Variants in MARCHF11 observed in about 807,000 individuals in gnomAD.
MARCHF11 encodes E3 ubiquitin-protein ligase MARCHF11.
A neutral mutation model predicts 37.3 loss-of-function variants in MARCHF11; 29 were observed. The observed-to-expected ratio is 0.78, with a 90% CI of 0.58 to 1.06. MARCHF11 has a LOEUF of 1.06. MARCHF11 is among the 50% of genes least tolerant of loss of function. The pLI, the probability that MARCHF11 is intolerant of heterozygous loss-of-function variation, is 0.00. For synonymous variants in MARCHF11, 233 were observed against 228.0 expected (o/e 1.02, Z -0.20); for missense variants, 482 against 533.4 (o/e 0.90, Z 0.95).
At position 16,100,208 on chromosome 5, in the gene MARCHF11, C is replaced by A. The variant is rs114117647; in HGVS notation, c.694-9127G>T. ...CAGGCTGTCCCCTGGGAGGAGACAG[C>A]CTCTAGGAAGACTTCGCTTTACTAA... On this transcript the variant is annotated intron_variant, in intron 2 of 3. Transcript: ENST00000332432. 7.4e-3 allele frequency among the ~76,000 whole-genome samples: 1,125 copies of A among 152,200 alleles called. 18 individuals carry two copies. Among genetic ancestry groups the A allele is most frequent in the African/African-American group, 0.026 (1,065 of 41,538 alleles).
chr5:16,075,559 CA>C (rs1736503310), intron 3 of MARCHF11, among the ~76,000 whole-genome samples: 2 of 151,914 alleles, frequency 1.3e-5, no homozygotes, highest in South Asian at 4.2e-4. Context: ...GTACCCAGGT[CA>C]AAACTCAGTC....
At chr5:16,177,968 A>G (rs1738392029) in intron 1 of MARCHF11, 87 bp from the exon 2 acceptor site, 1 of 1,344,878 alleles carries the variant, frequency 7.4e-7, no homozygotes, top group Non-Finnish European at 1.0e-6. Flanking sequence ...TTTCAAAGCC[A>G]TTTACTCAGG....
intron 2 of MARCHF11, among the ~76,000 whole-genome samples, chr5:16,139,445 G>T (rs1054385036): frequency 6.6e-6 from 1 of 152,066 alleles, no homozygotes; most frequent in Non-Finnish European, 1.5e-5. Context: ...CCAGTCTCGG[G>T]TATGTCTTTG....
intron 3 of MARCHF11, among the ~76,000 whole-genome samples, chr5:16,081,563 T>C (rs1474337952): frequency 6.6e-6 from 1 of 152,180 alleles, no homozygotes; most frequent in Non-Finnish European, 1.5e-5. Flanking sequence ...CCAAGCCTTG[T>C]TCTATTTATA....
intron 3 of MARCHF11, among the ~76,000 whole-genome samples, chr5:16,089,525 T>C (rs1736757594): frequency 6.6e-6 from 1 of 152,172 alleles, no homozygotes; most frequent in Non-Finnish European, 1.5e-5. Flanking sequence ...TCTTTTATTT[T>C]TTTCTTTCTG....
At chr5:16,140,545 T>C (rs1367296722) in intron 2 of MARCHF11, among the ~76,000 whole-genome samples, 1 of 152,074 alleles carries the variant, frequency 6.6e-6, no homozygotes, top group Admixed American at 6.5e-5. Context: ...AAGAAACAGC[T>C]CATTCCAATG....
Position 16,068,085 on chromosome 5 carries a change from G to A in MARCHF11, c.887-292C>T, listed in dbSNP as rs527551914. On this transcript the variant is annotated intron_variant, in intron 3 of 3. Coordinates refer to ENST00000332432, the MANE Select transcript of MARCHF11 (RefSeq NM_001102562.3). ...AGATTTTGCTTTGGGAATTTATATT[G>A]CCTTAGGAGAATCATTAGGTTCATT... 6.6e-5 allele frequency among the ~76,000 whole-genome samples: 10 copies of A among 152,234 alleles called. No homozygotes were observed. The East Asian group carries it at 1.7e-3, about 27-fold the overall frequency.
chr5:16,150,427 A>C (rs576835549), intron 2 of MARCHF11, among the ~76,000 whole-genome samples: 1 of 149,476 alleles, frequency 6.7e-6, no homozygotes, highest in Non-Finnish European at 1.5e-5. Flanking sequence ...GTGGTTCTAC[A>C]GAACAGGCAG....
rs530566169 is a variant in MARCHF11, at chr5:16,136,391, G to A, written c.693+41335C>T. Among the ~76,000 whole-genome samples, 4 of 152,248 alleles carry A rather than the reference G, an allele frequency of 2.6e-5. No individual in the cohort carries two copies. In the East Asian group the frequency reaches 7.7e-4, roughly 29 times the overall value. ...ATAGAAAGATAAATCTATCTTGAAG[G>A]GAAACACATAAGCAACTGTGGGCTT... On this transcript the variant is annotated intron_variant, in intron 2 of 3. Coordinates refer to ENST00000332432, the MANE Select transcript of MARCHF11 (RefSeq NM_001102562.3).
intron 3 of MARCHF11, among the ~76,000 whole-genome samples, chr5:16,069,564 TG>T (rs1177248959): frequency 6.6e-6 from 1 of 152,022 alleles, no homozygotes; most frequent in Non-Finnish European, 1.5e-5. Flanking sequence ...TTTGGGGAGT[TG>T]GGGAGATAGT....
Position 16,147,182 on chromosome 5 carries a change from A to T in MARCHF11, c.693+30544T>A, listed in dbSNP as rs141819308. 2.6e-4 allele frequency among the ~76,000 whole-genome samples: 39 copies of T among 152,296 alleles called. No homozygotes were observed. In the East Asian group the frequency reaches 4.8e-3, roughly 19 times the overall value. On this transcript the variant is annotated intron_variant, in intron 2 of 3. Coordinates refer to ENST00000332432, the MANE Select transcript of MARCHF11 (RefSeq NM_001102562.3). ...GGTTTTGACTGGTGAATCTGTAGAG[A>T]GTTCCAAGAACACCTTGAGAATCAG...
intron 2 of MARCHF11, among the ~76,000 whole-genome samples, chr5:16,095,653 T>C (rs961242056): frequency 1.3e-5 from 2 of 152,258 alleles, no homozygotes. Flanking sequence ...TGTCCATACC[T>C]GGCACTAATG....
chr5:16,141,446 C>T (rs1313095930), intron 2 of MARCHF11: 1 of 152,226 alleles, frequency 6.6e-6, no homozygotes, highest in East Asian at 1.9e-4. Context: ...AAAAACAAAA[C>T]TGTGGCCCTT....
intron 3 of MARCHF11, among the ~76,000 whole-genome samples, chr5:16,073,667 G>A (rs1428971236): frequency 1.3e-5 from 2 of 151,284 alleles, no homozygotes; most frequent in Admixed American, 6.6e-5. Context: ...AAAACGTAAA[G>A]ATATAAAGAC....
intron 2 of MARCHF11, among the ~76,000 whole-genome samples, chr5:16,162,365 T>C (rs920820634): frequency 6.6e-6 from 1 of 151,970 alleles, no homozygotes; most frequent in African/African-American, 2.4e-5. Context: ...ACCTCTCCAG[T>C]TCACTCATGG....
intron 2 of MARCHF11, among the ~76,000 whole-genome samples, chr5:16,104,555 A>G (rs1375025290): frequency 6.6e-6 from 1 of 152,102 alleles, no homozygotes; most frequent in African/African-American, 2.4e-5. Context: ...TCTTTCAATT[A>G]TTTGTCCGGT....
chr5:16,167,151 T>C (rs1738184898), intron 2 of MARCHF11, among the ~76,000 whole-genome samples: 1 of 86,996 alleles, frequency 1.1e-5, no homozygotes, highest in African/African-American at 4.0e-5. Context: ...ACTGTCTGTA[T>C]ACACACGTGT....
intron 2 of MARCHF11, among the ~76,000 whole-genome samples, chr5:16,154,014 A>G (rs1224519458): frequency 2.6e-5 from 4 of 151,938 alleles, no homozygotes; most frequent in African/African-American, 7.2e-5. Context: ...GTATCAGGAC[A>G]ACGAGATAGG....
rs143938503 is a variant in MARCHF11, at chr5:16,082,786, C to T, written c.886+8103G>A. On this transcript the variant is annotated intron_variant, in intron 3 of 3. Transcript: ENST00000332432. ...TGTTTAAAGTGAGCTTCATTCTTCA[C>T]GTGCCCCATGATTTATGCAGACACA... Among the ~76,000 whole-genome samples, 183 of 152,290 alleles carry T rather than the reference C, an allele frequency of 1.2e-3. 1 individual carries two copies. The highest frequency in any genetic ancestry group is 4.3e-3 in the African/African-American group (177 of 41,550).
Sources: gnomAD v4.1 joint callset for allele counts (sites outside exome capture counted in the v4.1 genomes callset) on GRCh38, gnomAD v4.1.1 for gene constraint, MANE v1.5 for transcripts, NCBI Gene and HGNC (gene_info 2026-07-23, HGNC 2026-07-21) for gene names.